CYGB: variants seen among roughly 807,000 people sequenced by gnomAD.
CYGB encodes the protein histoglobin.
In CYGB, 13 loss-of-function variants were observed where a neutral mutation model predicts 20.7. The observed-to-expected ratio is 0.63, with a 90% CI of 0.41 to 1.00. The LOEUF (loss-of-function observed/expected upper bound fraction) is 1.00, where lower values mean the gene tolerates loss of function less well. Among genes scored for constraint, CYGB ranks in the 50% least tolerant of loss-of-function variants. The pLI, the probability that CYGB is intolerant of heterozygous loss-of-function variation, is 0.00. For missense variants in CYGB, 218 were observed against 257.2 expected (o/e 0.85, Z 1.04); for synonymous variants, 93 against 107.4 (o/e 0.87, Z 0.83).
chr17:76,540,680 G>C, upstream of CYGB: 1 of 1,120,748 alleles, frequency 8.9e-7, no homozygotes, highest in Non-Finnish European at 1.3e-6. The surrounding 1 kb of genome is among the most constrained non-coding windows in gnomAD (Gnocchi z 5.0). Flanking sequence ...TGCGTGCACC[G>C]TATCCTGGCC....
rs1194053199 is a variant in CYGB, at chr17:76,528,619, CGA to C, written c.540-10_540-9del. On this transcript the variant is annotated splice_polypyrimidine_tract_variant and intron_variant, in intron 3 of 3. Coordinates refer to ENST00000293230, the MANE Select transcript of CYGB (RefSeq NM_134268.5). This position sits in a 1 kb window ranked among gnomAD's most constrained non-coding sequence, Gnocchi z 5.8. ...GGCAGTGTGGCCGGTGGGCTGTGGA[CGA>C]GATAGGAAGGGAAGGACAAACGTTA... 1.6e-6 allele frequency: 2 copies of C among 1,274,398 alleles called. No homozygotes were observed. Among genetic ancestry groups the C allele is most frequent in the Admixed American group, 3.9e-5 (1 of 25,794 alleles). 78.9% of individuals were successfully genotyped at this position (1,274,398 alleles called of 1,614,324 possible). A position where few individuals can be genotyped will look rare whatever the true frequency, so the allele number is the denominator to read the frequency against.
intron 1 of CYGB, among the ~76,000 whole-genome samples, chr17:76,532,897 C>T (rs1382799140): frequency 2.0e-5 from 3 of 152,176 alleles, no homozygotes; most frequent in Non-Finnish European, 2.9e-5. Context: ...GACATGGGCA[C>T]CGACTCAATC....
At chr17:76,548,782 G>A (rs557857394) in intron 1 of CYGB, among the ~76,000 whole-genome samples, 9 of 152,294 alleles carry the variant, frequency 5.9e-5, no homozygotes, top group South Asian at 4.1e-4. Flanking sequence ...ATCCAGAAAC[G>A]GATTAAGACC....
upstream of CYGB, chr17:76,540,115 C>G (rs777938956): frequency 6.3e-7 from 1 of 1,589,012 alleles, no homozygotes; most frequent in Admixed American, 1.8e-5. The surrounding 1 kb of genome is among the most constrained non-coding windows in gnomAD (Gnocchi z 5.0). Context: ...GCAGACTTGG[C>G]CTGGGAGGGG....
chr17:76,529,070 A>G (rs1598200204), intron 3 of CYGB: 2 of 392,606 alleles, frequency 5.1e-6, no homozygotes, highest in African/African-American at 6.3e-5. Context: ...CCACCCACGC[A>G]AAGGCGCACA....
upstream of CYGB, among the ~76,000 whole-genome samples, chr17:76,541,929 T>C (rs1340266828): frequency 6.6e-6 from 1 of 152,230 alleles, no homozygotes; most frequent in African/African-American, 2.4e-5. Context: ...GATTGCTCCA[T>C]AAATGCTAGC....
intron 1 of CYGB, among the ~76,000 whole-genome samples, chr17:76,536,131 G>A (rs1057382774): frequency 2.6e-5 from 4 of 152,182 alleles, no homozygotes; most frequent in Non-Finnish European, 5.9e-5. Flanking sequence ...TGCCACTCCC[G>A]ACTGTGTTTC....
upstream of CYGB, among the ~76,000 whole-genome samples, chr17:76,539,345 CGT>C (rs2074959813): frequency 1.3e-5 from 2 of 152,164 alleles, no homozygotes; most frequent in Non-Finnish European, 2.9e-5. Flanking sequence ...GTAATATAGT[CGT>C]ATGGTGTAGG....
chr17:76,541,492 G>A (rs9909792), upstream of CYGB, among the ~76,000 whole-genome samples: 117,256 of 151,998 alleles, frequency 0.77, 45,351 homozygotes, highest in South Asian at 0.89. Flanking sequence ...TTAGATATGC[G>A]GAAACTGGCA....
chr17:76,528,880 G>A lies in CYGB; in HGVS notation c.540-269C>T. 8.2e-7 allele frequency: 1 copy of A among 1,214,916 alleles called. No homozygotes were observed. Among genetic ancestry groups the A allele is most frequent in the Non-Finnish European group, 1.0e-6 (1 of 977,202 alleles). 75.3% of individuals were successfully genotyped at this position (1,214,916 alleles called of 1,614,324 possible). A position where few individuals can be genotyped will look rare whatever the true frequency, so the allele number is the denominator to read the frequency against. On this transcript the variant is annotated intron_variant, in intron 3 of 3. Coordinates refer to ENST00000293230, the MANE Select transcript of CYGB (RefSeq NM_134268.5). This position sits in a 1 kb window ranked among gnomAD's most constrained non-coding sequence, Gnocchi z 5.8. ...ATGTCTGTCTTGTGACATAAACTGG[G>A]TAAAAAAGTGTTTCACAAACTGCAA...
At chr17:76,544,641 C>T (rs1336245544) in intron 1 of CYGB, 2 of 456,790 alleles carry the variant, frequency 4.4e-6, no homozygotes, top group Non-Finnish European at 8.8e-6. Context: ...GTCAGCCTGT[C>T]TCTCTCTTTG....
chr17:76,547,144 G>C (rs2075060261), intron 1 of CYGB: 1 of 152,372 alleles, frequency 6.6e-6, no homozygotes, highest in South Asian at 2.1e-4. Flanking sequence ...TCTAGGCCCT[G>C]AGAGGCTGGT....
In CYGB at chr17:76,527,804, G is replaced by C. The variant is rs774231081; in HGVS notation, c.*774C>G. ...GTGCGGTCATCCCACCCAGAACTTCGCTCTGCCCCTGCCCATTCTAGGACA... is the reference window on the plus strand; with the variant it reads ...GTGCGGTCATCCCACCCAGAACTTCCCTCTGCCCCTGCCCATTCTAGGACA... On this transcript the variant is annotated 3_prime_UTR_variant, in exon 4 of 4. Transcript: ENST00000293230. The C allele has an allele frequency of 2.0e-5, 9 of 453,950 alleles. No homozygotes were observed. Among genetic ancestry groups the C allele is most frequent in the African/African-American group, 1.6e-4 (8 of 50,098 alleles). The allele number at this position is 453,950 out of a possible 1,614,324, so 28.1% of individuals were successfully genotyped here. A position where few individuals can be genotyped will look rare whatever the true frequency, so the allele number is the denominator to read the frequency against.
chr17:76,534,146 T>TTCTC (rs71158013), intron 1 of CYGB, among the ~76,000 whole-genome samples: 4,774 of 128,908 alleles, frequency 0.037, 121 homozygotes, highest in South Asian at 0.11. Flanking sequence ...CTCTTTCTCT[T>TTCTC]TCTCTCTCTC....
In CYGB at chr17:76,530,133, C is replaced by T. The variant is rs1015703306; in HGVS notation, c.539+846G>A. ...GTTTCTCTACCACGGGAATGTTTCT[C>T]TACCACGCGTGTCCCGGGCTGCTGG... is the stretch of plus-strand genomic sequence containing the variant. On this transcript the variant is annotated intron_variant, in intron 3 of 3. Transcript: ENST00000293230. The surrounding 1 kb of genome is among the most constrained non-coding windows in gnomAD (Gnocchi z 6.1). The T allele has an allele frequency of 5.5e-5, 54 of 976,784 alleles. No individual in the cohort carries two copies. The highest frequency in any genetic ancestry group is 3.4e-4 in the East Asian group (3 of 8,772). The allele number at this position is 976,784 out of a possible 1,614,324, so 60.5% of individuals were successfully genotyped here.
In CYGB at chr17:76,527,893, T is replaced by C. The variant is rs2074785906; in HGVS notation, c.*685A>G. On this transcript the variant is annotated 3_prime_UTR_variant, in exon 4 of 4. Transcript: ENST00000293230. ...CACTCCTTTCTGCCTGGAAGTGGAA[T>C]TCAGGAATGTGGGGAGCTGGTCTGA... 1 of 437,062 alleles carries C rather than the reference T, an allele frequency of 2.3e-6. No individual in the cohort carries two copies. Among genetic ancestry groups the C allele is most frequent in the Non-Finnish European group, 4.7e-6 (1 of 214,748 alleles). 27.1% of individuals were successfully genotyped at this position (437,062 alleles called of 1,614,324 possible).
intron 1 of CYGB, among the ~76,000 whole-genome samples, chr17:76,547,829 CACA>C (rs1461134464): frequency 2.2e-5 from 3 of 137,800 alleles, no homozygotes; most frequent in South Asian, 4.6e-4. Context: ...CACACACACA[CACA>C]ACACACATTC....
chr17:76,532,817 G>C (rs2074863813), intron 1 of CYGB, among the ~76,000 whole-genome samples: 3 of 152,036 alleles, frequency 2.0e-5, no homozygotes, highest in Non-Finnish European at 2.9e-5. Flanking sequence ...GATTACAGGT[G>C]TGAGCCACCA....
chr17:76,545,315 T>TG, intron 1 of CYGB: 2 of 456,714 alleles, frequency 4.4e-6, no homozygotes, highest in South Asian at 3.1e-5. Flanking sequence ...GGGCTTAGTG[T>TG]GAAGCTCAGG....
Sources: gnomAD v4.1 joint callset for allele counts (sites outside exome capture counted in the v4.1 genomes callset) on GRCh38, gnomAD v4.1.1 for gene constraint, Gnocchi (gnomAD v3.1) non-coding constraint, MANE v1.5 for transcripts, NCBI Gene and HGNC (gene_info 2026-07-23, HGNC 2026-07-21) for gene names.